PPM1L: variants seen among roughly 807,000 people sequenced by gnomAD.
PPM1L encodes protein phosphatase, Mg2+/Mn2+ dependent 1L, also known as protein phosphatase 1L.
Under a neutral mutation model 31.4 loss-of-function variants are expected in PPM1L, and 13 were observed. The observed-to-expected ratio is 0.41, with a 90% CI of 0.27 to 0.66. PPM1L has a LOEUF of 0.66. PPM1L is among the 30% of genes least tolerant of loss of function. The probability of loss-of-function intolerance (pLI) is 0.29; values close to 1 mark genes in which losing one functional copy is unlikely to be tolerated. For missense variants in PPM1L, 326 were observed against 453.7 expected (o/e 0.72, Z 2.56); for synonymous variants, 184 against 175.4 (o/e 1.05, Z -0.39).
chr3:160,867,157 G>C (rs1437962677), intron 1 of PPM1L, among the ~76,000 whole-genome samples: 1 of 152,134 alleles, frequency 6.6e-6, no homozygotes, highest in East Asian at 1.9e-4. Context: ...ACTTTTAAAA[G>C]AACTGAGAGG....
At chr3:160,794,832 G>C (rs1294610574) in intron 1 of PPM1L, among the ~76,000 whole-genome samples, 2 of 152,196 alleles carry the variant, frequency 1.3e-5, no homozygotes, top group African/African-American at 4.8e-5. Context: ...TTACAAATTT[G>C]TGCTTAGGCC....
At chr3:160,803,576 G>A (rs984176768) in intron 1 of PPM1L, among the ~76,000 whole-genome samples, 2 of 147,524 alleles carry the variant, frequency 1.4e-5, no homozygotes, top group Non-Finnish European at 3.0e-5. Flanking sequence ...AATTAAAATG[G>A]TATGTCAGAC....
chr3:160,851,802 C>T lies in PPM1L; in HGVS notation c.399+95095C>T, dbSNP rs144073549. On this transcript the variant is annotated intron_variant, in intron 1 of 3. Coordinates refer to ENST00000498165, the MANE Select transcript of PPM1L (RefSeq NM_139245.4). ...GGAAGGAGGAAGGTGGAAAGGTACC[C>T]AAGACACATTCTGCTGTTACTCCGT... Among the ~76,000 whole-genome samples the T allele has an allele frequency of 2.8e-3, 427 of 152,180 alleles. 4 individuals are homozygous for T. Among genetic ancestry groups the T allele is most frequent in the Middle Eastern group, 0.01 (3 of 294 alleles).
intron 1 of PPM1L, among the ~76,000 whole-genome samples, chr3:160,825,633 A>G (rs1324082737): frequency 6.6e-6 from 1 of 152,168 alleles, no homozygotes; most frequent in Non-Finnish European, 1.5e-5. Flanking sequence ...TAACTTTGTT[A>G]TTATTTTGCC....
chr3:161,077,085 G>C lies in PPM1L; in HGVS notation c.*7928G>C, dbSNP rs1280841225. 6.6e-6 allele frequency: 1 copy of C among 152,136 alleles called. No homozygotes were observed. 9.4% of individuals were successfully genotyped at this position (152,136 alleles called of 1,614,324 possible). A position where few individuals can be genotyped will look rare whatever the true frequency, so the allele number is the denominator to read the frequency against. ...CCTTCTTGGGGCTTACACCCTATTG[G>C]GGTGTCAGAGATATTATAACACTCA... On this transcript the variant is annotated 3_prime_UTR_variant, in exon 4 of 4. Transcript: ENST00000498165.
In PPM1L at chr3:160,863,032, A is replaced by T. The variant is rs376223146; in HGVS notation, c.400-98704A>T. 1.6e-4 allele frequency among the ~76,000 whole-genome samples: 24 copies of T among 152,302 alleles called. No homozygotes were observed. The East Asian group carries it at 1.7e-3, about 11-fold the overall frequency. On this transcript the variant is annotated intron_variant, in intron 1 of 3. Coordinates refer to ENST00000498165, the MANE Select transcript of PPM1L (RefSeq NM_139245.4). ...TTTGACAGCCACTTATTCATTTACT[A>T]GCCTTTGTCCGACACAATACCTGTG...
chr3:160,957,403 C>T (rs775119737), intron 1 of PPM1L, among the ~76,000 whole-genome samples: 2 of 152,056 alleles, frequency 1.3e-5, no homozygotes, highest in Non-Finnish European at 2.9e-5. Context: ...ATTTCTATTC[C>T]TTTGGGTATA....
At chr3:160,922,096 G>C (rs191484500) in intron 1 of PPM1L, among the ~76,000 whole-genome samples, 1 of 152,098 alleles carries the variant, frequency 6.6e-6, no homozygotes, top group Non-Finnish European at 1.5e-5. Context: ...AGATCACGAG[G>C]TCAGGAGATC....
At chr3:161,016,127 G>T (rs1718081634) in intron 2 of PPM1L, among the ~76,000 whole-genome samples, 1 of 152,122 alleles carries the variant, frequency 6.6e-6, no homozygotes, top group African/African-American at 2.4e-5. Flanking sequence ...TTTTATCAAG[G>T]TTTCATGCAA....
At chr3:160,963,868 A>G (rs1716050093) in intron 2 of PPM1L, among the ~76,000 whole-genome samples, 1 of 152,048 alleles carries the variant, frequency 6.6e-6, no homozygotes, top group Non-Finnish European at 1.5e-5. Flanking sequence ...TAATCTGTCA[A>G]TAAGCCCTGT....
chr3:160,878,757 C>A (rs181553088), intron 1 of PPM1L, among the ~76,000 whole-genome samples: 1 of 152,124 alleles, frequency 6.6e-6, no homozygotes, highest in South Asian at 2.1e-4. Context: ...ATGTGTAGCC[C>A]CTTTTTAAAA....
intron 1 of PPM1L, among the ~76,000 whole-genome samples, chr3:160,906,602 T>TAAAGAAAAAAAAGAAAAGA (rs1553820123): frequency 2.0e-5 from 2 of 97,934 alleles, no homozygotes; most frequent in African/African-American, 9.6e-5. Flanking sequence ...CTCTGTCTCA[T>TAAAGAAAAAAAAGAAAAGA]AAAGAAAAGA....
rs148930098 is a variant in PPM1L, at chr3:160,911,741, T to C, written c.400-49995T>C. 1.8e-3 allele frequency among the ~76,000 whole-genome samples: 276 copies of C among 151,888 alleles called. 1 individual carries two copies. The highest frequency in any genetic ancestry group is 6.2e-3 in the African/African-American group (258 of 41,414). On this transcript the variant is annotated intron_variant, in intron 1 of 3. Coordinates refer to ENST00000498165, the MANE Select transcript of PPM1L (RefSeq NM_139245.4). ...GACACAGCCTTTTCACATATGGGAGTAGGCAATTCAAAGGAGGACCAGTAA... is the reference window on the plus strand; with the variant it reads ...GACACAGCCTTTTCACATATGGGAGCAGGCAATTCAAAGGAGGACCAGTAA...
chr3:160,944,320 A>G (rs150225348), intron 1 of PPM1L, among the ~76,000 whole-genome samples: 1 of 152,118 alleles, frequency 6.6e-6, no homozygotes, highest in Non-Finnish European at 1.5e-5. Context: ...AGTTTTGAGA[A>G]TCTAAAGTTG....
rs879929452 is a variant in PPM1L at position 160,978,788 on chromosome 3, C to CAA, written c.574+16878_574+16879insAA. ...GAGGTTGCAGTGAGCCGTGTTCATG[C>CAA]TACTGTACTCCAGCCTGGGTGACAG... is the stretch of plus-strand genomic sequence containing the variant. On this transcript the variant is annotated intron_variant, in intron 2 of 3. Transcript: ENST00000498165. Among the ~76,000 whole-genome samples the CAA allele has an allele frequency of 4.0e-3, 613 of 151,690 alleles. 4 individuals carry two copies. The highest frequency in any genetic ancestry group is 5.8e-3 in the Non-Finnish European group (393 of 67,736).
At chr3:161,001,908 A>G (rs1020133407) in intron 2 of PPM1L, among the ~76,000 whole-genome samples, 1 of 152,124 alleles carries the variant, frequency 6.6e-6, no homozygotes, top group African/African-American at 2.4e-5. Context: ...ACATATGTAT[A>G]CATGTGACAT....
At chr3:160,811,034 C>G (rs906953734) in intron 1 of PPM1L, among the ~76,000 whole-genome samples, 1 of 152,174 alleles carries the variant, frequency 6.6e-6, no homozygotes, top group Non-Finnish European at 1.5e-5. Context: ...TATGTTATGG[C>G]CCTGTGAAGC....
intron 2 of PPM1L, among the ~76,000 whole-genome samples, chr3:160,967,823 G>C (rs942989397): frequency 1.3e-5 from 2 of 152,006 alleles, no homozygotes; most frequent in Admixed American, 1.3e-4. Flanking sequence ...ACGTGACCTT[G>C]AGCAAGTCAC....
At chr3:161,010,440 T>G (rs918346067) in intron 2 of PPM1L, among the ~76,000 whole-genome samples, 4 of 152,234 alleles carry the variant, frequency 2.6e-5, no homozygotes, top group African/African-American at 9.6e-5. Context: ...ACATTTGGGT[T>G]GGTTCCAAGT....
Sources: gnomAD v4.1 joint callset for allele counts (sites outside exome capture counted in the v4.1 genomes callset) on GRCh38, gnomAD v4.1.1 for gene constraint, MANE v1.5 for transcripts, NCBI Gene and HGNC (gene_info 2026-07-23, HGNC 2026-07-21) for gene names.